Variants in CDK19 observed in about 807,000 individuals in gnomAD.
The protein encoded by CDK19 is cyclin dependent kinase 19.
Under a neutral mutation model 68.3 loss-of-function variants are expected in CDK19, and 20 were observed. The observed-to-expected ratio is 0.29, with a 90% CI of 0.21 to 0.43. The LOEUF (loss-of-function observed/expected upper bound fraction) is 0.43, where lower values mean the gene tolerates loss of function less well. CDK19 is among the 20% of genes least tolerant of loss of function. The pLI is 1.00. For synonymous variants in CDK19, 221 were observed against 222.8 expected, an observed-to-expected ratio of 0.99 and a Z score of 0.07; for missense variants, 339 against 623.5, an observed-to-expected ratio of 0.54 and a Z score of 4.86.
intron 2 of CDK19, among the ~76,000 whole-genome samples, chr6:110,711,083 T>A (rs1031486547): frequency 6.6e-6 from 1 of 152,058 alleles, no homozygotes. Context: ...AGTTATTTTA[T>A]GGAGAAAAAA....
At chr6:110,796,066 C>T (rs560531033) in intron 1 of CDK19, among the ~76,000 whole-genome samples, 53 of 152,240 alleles carry the variant, frequency 3.5e-4, no homozygotes, top group African/African-American at 1.2e-3. Flanking sequence ...CTGCTGGGCA[C>T]GGTGGCTCAC....
intron 2 of CDK19, among the ~76,000 whole-genome samples, chr6:110,686,827 C>A (rs990339068): frequency 6.6e-6 from 1 of 152,102 alleles, no homozygotes; most frequent in Non-Finnish European, 1.5e-5. Flanking sequence ...CCATAGTAAA[C>A]CTTAGTTTTA....
chr6:110,717,783 C>T (rs1449948775), intron 2 of CDK19, among the ~76,000 whole-genome samples: 1 of 152,160 alleles, frequency 6.6e-6, no homozygotes, highest in African/African-American at 2.4e-5. Context: ...CTCACCGCAA[C>T]CTCTGCCTCC....
In CDK19 at chr6:110,778,084, T is replaced by C. The variant is rs1671948632; in HGVS notation, c.129-31883A>G. Among the ~76,000 whole-genome samples, 6 of 152,134 alleles carry C rather than the reference T, an allele frequency of 3.9e-5. No homozygotes were observed. The South Asian group carries it at 1.2e-3, about 32-fold the overall frequency. ...GGTGATGGTAGCACAACAATATGAA[T>C]GTACTCAATCCCACTGAACTGTATA... On this transcript the variant is annotated intron_variant, in intron 1 of 12. Transcript: ENST00000368911.
At chr6:110,769,661 T>C (rs946030117) in intron 1 of CDK19, among the ~76,000 whole-genome samples, 3 of 152,008 alleles carry the variant, frequency 2.0e-5, no homozygotes, top group Admixed American at 6.6e-5. Flanking sequence ...AGGTTTTCTG[T>C]AAACCTAAAA....
chr6:110,813,577 G>A (rs904119302), intron 1 of CDK19: 12 of 151,744 alleles, frequency 7.9e-5, no homozygotes, highest in Non-Finnish European at 1.5e-4. Flanking sequence ...GTAATTAAAG[G>A]AATTATGAGA....
intron 2 of CDK19, among the ~76,000 whole-genome samples, chr6:110,707,370 G>A (rs548336996): frequency 5.1e-4 from 78 of 151,908 alleles, no homozygotes; most frequent in Non-Finnish European, 2.9e-4. Context: ...AAACTGAGAA[G>A]GCTGAAAGGC....
chr6:110,632,880 C>T (rs1311930591), intron 5 of CDK19, among the ~76,000 whole-genome samples: 2 of 152,078 alleles, frequency 1.3e-5, no homozygotes, highest in African/African-American at 4.8e-5. Context: ...TAAAATAGTT[C>T]AAAAGTATCC....
At chr6:110,645,900 C>A in intron 4 of CDK19, 1 of 824,130 alleles carries the variant, frequency 1.2e-6, no homozygotes, top group South Asian at 1.5e-5. Flanking sequence ...CGACTCAGTC[C>A]TGCGAACTGT....
Position 110,622,166 on chromosome 6 carries a change from A to G in CDK19, c.1032T>C (p.Asp344=). The change falls in exon 11 of 13, where the codon GAT becomes GAC. Residue 344 remains aspartate, a splice_region_variant and synonymous_variant. Transcript: ENST00000368911. ...YFQEDPLPTL[D]VFAGCQIPYP... ...ATGGAATCTGGCAGCCGGCAAATAC[A>G]CTAAAAATCATTAAAAAGAAAAAAC... 1 of 1,593,536 alleles carries G rather than the reference A, an allele frequency of 6.3e-7. No homozygotes were observed. Among genetic ancestry groups the G allele is most frequent in the Non-Finnish European group, 8.6e-7 (1 of 1,164,446 alleles).
At chr6:110,660,113 T>C (rs1041383453) in intron 4 of CDK19, among the ~76,000 whole-genome samples, 1 of 152,212 alleles carries the variant, frequency 6.6e-6, no homozygotes, top group Admixed American at 6.5e-5. Flanking sequence ...ACTGCAGGCA[T>C]GTGCCATCAC....
At chr6:110,700,114 G>C (rs1007066014) in intron 2 of CDK19, among the ~76,000 whole-genome samples, 1 of 152,186 alleles carries the variant, frequency 6.6e-6, no homozygotes, top group Non-Finnish European at 1.5e-5. Context: ...ATGTGCAAGG[G>C]ATGTGGGCTG....
At chr6:110,649,512 A>G (rs950676902) in intron 4 of CDK19, among the ~76,000 whole-genome samples, 4 of 152,220 alleles carry the variant, frequency 2.6e-5, no homozygotes, top group Non-Finnish European at 5.9e-5. Flanking sequence ...AGACTGATAA[A>G]TTTGGCTGTA....
intron 4 of CDK19, among the ~76,000 whole-genome samples, chr6:110,643,032 A>C (rs1396334627): frequency 6.6e-6 from 1 of 152,212 alleles, no homozygotes; most frequent in African/African-American, 2.4e-5. Context: ...GCAGCTGCCA[A>C]TAATGCACTT....
At chr6:110,772,050 C>T (rs1780051012) in intron 1 of CDK19, among the ~76,000 whole-genome samples, 1 of 152,190 alleles carries the variant, frequency 6.6e-6, no homozygotes, top group African/African-American at 2.4e-5. Context: ...GCCCTTCAAA[C>T]TGTTCCAACC....
chr6:110,752,611 C>T (rs1354414498), intron 1 of CDK19, among the ~76,000 whole-genome samples: 1 of 152,212 alleles, frequency 6.6e-6, no homozygotes, highest in East Asian at 1.9e-4. Flanking sequence ...CTCTAAACAT[C>T]ACCAAAATAC....
At chr6:110,761,359 T>C (rs1157330177) in intron 1 of CDK19, among the ~76,000 whole-genome samples, 1 of 152,150 alleles carries the variant, frequency 6.6e-6, no homozygotes, top group Non-Finnish European at 1.5e-5. Flanking sequence ...ATTAGGATAG[T>C]AGCAGAGGCA....
At chr6:110,682,200 G>T (rs1207765242) in intron 2 of CDK19, among the ~76,000 whole-genome samples, 1 of 151,852 alleles carries the variant, frequency 6.6e-6, no homozygotes, top group African/African-American at 2.4e-5. Flanking sequence ...ATTCTTTTTT[G>T]ATCTCTTTTA....
At chr6:110,754,511 C>T (rs1009011418) in intron 1 of CDK19, among the ~76,000 whole-genome samples, 6 of 149,538 alleles carry the variant, frequency 4.0e-5, no homozygotes, top group Admixed American at 4.0e-4. Flanking sequence ...GACGGAGTCT[C>T]GCTCTGTCAC....
Sources: gnomAD v4.1 joint callset for allele counts (sites outside exome capture counted in the v4.1 genomes callset) on GRCh38, gnomAD v4.1.1 for gene constraint, MANE v1.5 for transcripts, NCBI Gene and HGNC (gene_info 2026-07-23, HGNC 2026-07-21) for gene names.